Variants in BOC observed in about 807,000 individuals in gnomAD.
The protein encoded by BOC is BOC cell adhesion associated, oncogene regulated, also known as brother of CDO.
BOC carries 76 observed loss-of-function variants against 112.0 expected under a neutral mutation model. That is an observed-to-expected ratio of 0.68 (90% CI 0.56 to 0.82). BOC has a LOEUF of 0.82. Among genes scored for constraint, BOC ranks in the 40% least tolerant of loss-of-function variants. The pLI is 0.00. For missense variants in BOC, 1,309 were observed against 1,511.7 expected, an observed-to-expected ratio of 0.87 and a Z score of 2.22; for synonymous variants, 580 against 599.8, an observed-to-expected ratio of 0.97 and a Z score of 0.48.
At chr3:113,223,004 A>G (rs939026784) in intron 2 of BOC, among the ~76,000 whole-genome samples, 2 of 152,264 alleles carry the variant, frequency 1.3e-5, no homozygotes, top group South Asian at 4.1e-4. Flanking sequence ...AAGGAACTGC[A>G]CATTGGGATG....
chr3:113,257,400 C>T (rs1257246611), intron 4 of BOC, among the ~76,000 whole-genome samples: 1 of 152,190 alleles, frequency 6.6e-6, no homozygotes, highest in Non-Finnish European at 1.5e-5. Flanking sequence ...ATGAAGTCCT[C>T]TCACCTTGGC....
In BOC at chr3:113,250,632, G is replaced by A. The variant is rs765905293; in HGVS notation, c.175G>A (p.Val59Met). The change falls in exon 4 of 20, where the codon GTG (valine) becomes ATG (methionine). Residue 59 changes from valine (V) to methionine (M), a missense_variant. Coordinates refer to ENST00000682979, the MANE Select transcript of BOC (RefSeq NM_001378074.1). Reference sequence around the variant, plus strand: ...AGGCACTGTGATCTTGGGCTGCGTGGTGGAACCTCCAAGGATGAATGTAAC... The same window carrying A: ...AGGCACTGTGATCTTGGGCTGCGTGATGGAACCTCCAAGGATGAATGTAAC... ...PGGTVILGCVVEPPRMNVTWR... is the reference protein window; with the variant it reads ...PGGTVILGCVMEPPRMNVTWR... 2.5e-6 allele frequency: 4 copies of A among 1,614,116 alleles called. No individual in the cohort carries two copies. In the Admixed American group the frequency reaches 6.7e-5, roughly 27 times the overall value.
chr3:113,236,216 G>T (rs1168716742), intron 2 of BOC, among the ~76,000 whole-genome samples: 1 of 117,036 alleles, frequency 8.5e-6, no homozygotes, highest in Non-Finnish European at 1.8e-5. Flanking sequence ...ATATATACGT[G>T]TATATACGTA....
intron 4 of BOC, among the ~76,000 whole-genome samples, chr3:113,263,922 G>GCC (rs1488437206): frequency 6.6e-6 from 1 of 152,190 alleles, no homozygotes; most frequent in African/African-American, 2.4e-5. Context: ...TGCCTGATGT[G>GCC]CCCTTTGAAT....
At chr3:113,262,383 T>C (rs942658253) in intron 4 of BOC, among the ~76,000 whole-genome samples, 1 of 152,240 alleles carries the variant, frequency 6.6e-6, no homozygotes, top group African/African-American at 2.4e-5. Context: ...ATGTCTTTTC[T>C]TCTTTGTATT....
chr3:113,222,225 C>T (rs78655659), intron 2 of BOC, among the ~76,000 whole-genome samples: 91 of 152,306 alleles, frequency 6.0e-4, no homozygotes, highest in Non-Finnish European at 9.3e-4. Context: ...ACTTTGTTTT[C>T]TTCCTCACTG....
At chr3:113,256,707 T>A (rs1946260974) in intron 4 of BOC, among the ~76,000 whole-genome samples, 2 of 152,200 alleles carry the variant, frequency 1.3e-5, no homozygotes, top group Admixed American at 1.3e-4. Flanking sequence ...TAGCTTCCTT[T>A]ATCTCTGTAT....
At chr3:113,284,966 A>G (rs1949532850) in intron 18 of BOC, 108 bp downstream of exon 18, 2 of 1,006,796 alleles carry the variant, frequency 2.0e-6, no homozygotes, top group Non-Finnish European at 3.0e-6. Context: ...TGCTGTACTC[A>G]GGGGTCCCCG....
chr3:113,242,553 T>A (rs1438806141), intron 2 of BOC, among the ~76,000 whole-genome samples: 1 of 152,032 alleles, frequency 6.6e-6, no homozygotes, highest in Admixed American at 6.5e-5. Flanking sequence ...AAAGATGCTG[T>A]ATCCTGGCTC....
At chr3:113,217,082 T>C (rs1246525224) in intron 2 of BOC, among the ~76,000 whole-genome samples, 1 of 152,236 alleles carries the variant, frequency 6.6e-6, no homozygotes. Flanking sequence ...GCTTGCTGTG[T>C]GCCTGGCATC....
In BOC at chr3:113,216,284, G is replaced by A. The variant is rs1441251167; in HGVS notation, c.-82+10G>A. 2 of 456,650 alleles carry A rather than the reference G, an allele frequency of 4.4e-6. No individual in the cohort carries two copies. The highest frequency in any genetic ancestry group is 1.5e-5 in the South Asian group (1 of 64,558). The allele number at this position is 456,650 out of a possible 1,614,324, so 28.3% of individuals were successfully genotyped here. ...CTCGAAAGTAGAAGAAGTGGGTGAG[G>A]TTTTCTCTTCAGTCTGATAGCTCTG... On this transcript the variant is annotated intron_variant, in intron 2 of 19. Transcript: ENST00000682979.
At chr3:113,276,120 C>T (rs961042851) in intron 9 of BOC, among the ~76,000 whole-genome samples, 1 of 152,192 alleles carries the variant, frequency 6.6e-6, no homozygotes, top group African/African-American at 2.4e-5. Context: ...ACCTCCATCT[C>T]AGAGTTGTAG....
At chr3:113,269,049 A>G (rs1168342716) in intron 5 of BOC, among the ~76,000 whole-genome samples, 1 of 152,146 alleles carries the variant, frequency 6.6e-6, no homozygotes, top group African/African-American at 2.4e-5. Context: ...CTCTCAGCAC[A>G]TGGTTCTGCA....
rs1271813466 is a variant in BOC, at chr3:113,278,677, G to T, written c.1710G>T (p.Arg570=). ...QTAMVTFRTG[R]RPKPEIMASK... ...CTACAACCCATTTCCACCCAGGACGGCGGCCCAAACCCGAGATCATGGCCA... is the reference window on the plus strand; with the variant it reads ...CTACAACCCATTTCCACCCAGGACGTCGGCCCAAACCCGAGATCATGGCCA... The change falls in exon 11 of 20, where the codon CGG becomes CGT. Residue 570 remains arginine, a synonymous_variant. Transcript: ENST00000682979. This position sits in a 1 kb window ranked among gnomAD's most constrained non-coding sequence, Gnocchi z 4.2. 1.3e-6 allele frequency: 2 copies of T among 1,560,072 alleles called. No homozygotes were observed. The highest frequency in any genetic ancestry group is 4.8e-5 in the East Asian group (2 of 41,612).
At chr3:113,280,726 A>C (rs2107724213) in intron 14 of BOC, 63 bp downstream of exon 14, 2 of 1,350,802 alleles carry the variant, frequency 1.5e-6, no homozygotes, top group South Asian at 2.4e-5. Flanking sequence ...GGCATGGGGG[A>C]CAAGGTATTG....
chr3:113,283,507 C>G lies in BOC; in HGVS notation c.2531C>G (p.Thr844Ser), dbSNP rs373460237. The change falls in exon 16 of 20, where the codon ACT becomes AGT. Residue 844 changes from threonine (T) to serine (S), a missense_variant. Transcript: ENST00000682979. The stretch of plus-strand genomic sequence containing the variant: ...GAAACCATAGAGCGGCCGGTGGGCA[C>G]TGGGGCCATGGTGGCTCGCTCCAGC... ...LPETIERPVG[T>S]GAMVARSSDL... The G allele has an allele frequency of 3.7e-6, 6 of 1,613,946 alleles. No homozygotes were observed. The highest frequency in any genetic ancestry group is 5.1e-6 in the Non-Finnish European group (6 of 1,180,022).
chr3:113,286,848 C>A lies in BOC; in HGVS notation c.3334C>A (p.Pro1112Thr). Residue 1112 changes from proline to threonine, a missense_variant, in exon 20 of 20, where the codon CCT becomes ACT. Pro to Thr is a conservative substitution (Grantham distance 38, BLOSUM62 -1). Transcript: ENST00000682979. ...PLVRVSFETP[P>T]LTI ...GGTGCGTGTGTCTTTTGAAACACCACCTCTCACAATTTAGGCAGAAGCTGA... is the reference window on the plus strand; with the variant it reads ...GGTGCGTGTGTCTTTTGAAACACCAACTCTCACAATTTAGGCAGAAGCTGA... 1 of 1,587,536 alleles carries A rather than the reference C, an allele frequency of 6.3e-7. No individual in the cohort carries two copies. Among genetic ancestry groups the A allele is most frequent in the Non-Finnish European group, 8.5e-7 (1 of 1,169,666 alleles).
At chr3:113,242,117 A>G (rs1282778801) in intron 2 of BOC, among the ~76,000 whole-genome samples, 1 of 151,292 alleles carries the variant, frequency 6.6e-6, no homozygotes, top group Admixed American at 6.6e-5. Flanking sequence ...TGAGCCCTCC[A>G]AAAACAAAAA....
In BOC at chr3:113,272,551, G is replaced by C. The variant is rs758565661; in HGVS notation, c.809G>C (p.Ser270Thr). ...PRVTWAKDGS[S>T]VTGYNKTRFL... Reference sequence around the variant, plus strand: ...GTCACCTGGGCCAAGGATGGGTCCAGTGTCACCGGCTACAACAAGACGCGC... The same window carrying C: ...GTCACCTGGGCCAAGGATGGGTCCACTGTCACCGGCTACAACAAGACGCGC... Residue 270 changes from serine to threonine, a missense_variant, in exon 7 of 20, where the codon AGT (serine) becomes ACT (threonine). By Grantham distance (58) the Ser-to-Thr change is moderately conservative (BLOSUM62 1). Transcript: ENST00000682979. 2 of 1,613,952 alleles carry C rather than the reference G, an allele frequency of 1.2e-6. No individual in the cohort carries two copies. The highest frequency in any genetic ancestry group is 2.7e-5 in the African/African-American group (2 of 74,896).
Sources: allele counts gnomAD v4.1 joint callset (sites outside exome capture counted in the v4.1 genomes callset), GRCh38; gene constraint gnomAD v4.1.1; non-coding constraint Gnocchi (gnomAD v3.1); transcripts MANE v1.5; gene names NCBI Gene and HGNC (gene_info 2026-07-23, HGNC 2026-07-21).